The following EXTL3 variants were observed in gnomAD, a reference collection of about 807,000 sequenced individuals.
EXTL3 encodes the protein exostosin-like 3.
In EXTL3, 27 loss-of-function variants were observed where a neutral mutation model predicts 69.3. The ratio of observed to expected loss-of-function variants is 0.39; its 90% CI spans 0.29 to 0.54. The LOEUF (loss-of-function observed/expected upper bound fraction) is 0.54, where lower values mean the gene tolerates loss of function less well. Ranked by LOEUF, EXTL3 falls within the 20% of genes least tolerant of loss-of-function variation. EXTL3 has a pLI of 0.69. For synonymous variants in EXTL3, 511 were observed against 499.4 expected (o/e 1.02, Z -0.31); for missense variants, 1,003 against 1,231.8 (o/e 0.81, Z 2.78).
intron 1 of EXTL3, among the ~76,000 whole-genome samples, chr8:28,640,650 T>C (rs1478986954): frequency 6.6e-6 from 1 of 152,226 alleles, no homozygotes; most frequent in Non-Finnish European, 1.5e-5. Flanking sequence ...TTGCCTAGGC[T>C]GGAGTGGAGT....
chr8:28,648,510 A>G (rs556278900), intron 1 of EXTL3, among the ~76,000 whole-genome samples: 2 of 152,304 alleles, frequency 1.3e-5, no homozygotes, highest in South Asian at 4.1e-4. Context: ...CGTAGTCACT[A>G]CTTATCTTTG....
chr8:28,618,389 A>G (rs952532654), upstream of EXTL3, among the ~76,000 whole-genome samples: 3 of 152,178 alleles, frequency 2.0e-5, no homozygotes, highest in African/African-American at 7.2e-5. Context: ...TGAGGGAACT[A>G]TGGAAAAGAG....
At chr8:28,705,188 T>A (rs1441830637) in intron 1 of EXTL3, among the ~76,000 whole-genome samples, 1 of 152,192 alleles carries the variant, frequency 6.6e-6, no homozygotes, top group Non-Finnish European at 1.5e-5. Context: ...GTTTTTGTGC[T>A]TCCTGGGAGC....
intron 1 of EXTL3, among the ~76,000 whole-genome samples, chr8:28,672,756 G>A (rs1195745429): frequency 6.6e-6 from 1 of 152,180 alleles, no homozygotes; most frequent in Non-Finnish European, 1.5e-5. Flanking sequence ...TGGTGGTGAT[G>A]TATGCATCTT....
rs1296063416 is a variant in EXTL3, at chr8:28,750,465, A to G, written c.2551-192A>G. Among the ~76,000 whole-genome samples the G allele has an allele frequency of 6.6e-6, 1 of 152,192 alleles. No homozygotes were observed. Among genetic ancestry groups the G allele is most frequent in the Non-Finnish European group, 1.5e-5 (1 of 68,038 alleles). On this transcript the variant is annotated intron_variant, in intron 6 of 6. Coordinates refer to ENST00000220562, the MANE Select transcript of EXTL3 (RefSeq NM_001440.4). This position sits in a 1 kb window ranked among gnomAD's most constrained non-coding sequence, Gnocchi z 5.2. ...AGGCCATCTCAACAGAATACCTGAC[A>G]ATGTTCTGGAGACATCTGGTAGGCA...
intron 1 of EXTL3, among the ~76,000 whole-genome samples, chr8:28,683,426 A>AT (rs1349842425): frequency 3.9e-5 from 6 of 152,160 alleles, no homozygotes; most frequent in African/African-American, 9.6e-5. Flanking sequence ...TCTTTCATTG[A>AT]TTTTTTGGGG....
At chr8:28,731,524 C>G (rs1173421245) in intron 4 of EXTL3, among the ~76,000 whole-genome samples, 174 bp downstream of exon 4, 1 of 152,178 alleles carries the variant, frequency 6.6e-6, no homozygotes, top group East Asian at 1.9e-4. Context: ...GAGTCCATCT[C>G]TCTTCATCTG....
chr8:28,717,533 G>A lies in EXTL3; in HGVS notation c.1474G>A (p.Glu492Lys), dbSNP rs1316844249. 5 of 1,614,120 alleles carry A rather than the reference G, an allele frequency of 3.1e-6. No homozygotes were observed. The highest frequency in any genetic ancestry group is 1.7e-5 in the Admixed American group (1 of 60,016). ...GGTGGTGCCAAAGCCTCGTGTTACCGAGGTTCATTTCCTGCTCAGAAGCCT... is the reference window on the plus strand; with the variant it reads ...GGTGGTGCCAAAGCCTCGTGTTACCAAGGTTCATTTCCTGCTCAGAAGCCT... ...ALVVPKPRVT[E>K]VHFLLRSLSD... Residue 492 changes from glutamate (E) to lysine (K), a missense_variant, in exon 3 of 7, where the codon GAG becomes AAG. Glu to Lys is a moderately conservative substitution (Grantham distance 56). Transcript: ENST00000220562. This position sits in a 1 kb window ranked among gnomAD's most constrained non-coding sequence, Gnocchi z 8.3.
chr8:28,615,840 C>G (rs1418540891), intron 2 of EXTL3, among the ~76,000 whole-genome samples: 1 of 152,070 alleles, frequency 6.6e-6, no homozygotes, highest in African/African-American at 2.4e-5. Flanking sequence ...TCCCAAAGTG[C>G]TGGGATTACA....
intron 1 of EXTL3, among the ~76,000 whole-genome samples, chr8:28,705,541 G>GT (rs1800903287): frequency 6.7e-6 from 1 of 149,600 alleles, no homozygotes; most frequent in Non-Finnish European, 1.5e-5. Context: ...CAACATTATA[G>GT]TAAGACCCTG....
chr8:28,667,128 A>G (rs942126090), intron 1 of EXTL3, among the ~76,000 whole-genome samples: 1 of 152,242 alleles, frequency 6.6e-6, no homozygotes, highest in Admixed American at 6.5e-5. Context: ...CCTGTCAGAG[A>G]AAAATTGCGC....
chr8:28,751,048 C>T lies in EXTL3; in HGVS notation c.*182C>T. 1 of 617,680 alleles carries T rather than the reference C, an allele frequency of 1.6e-6. No individual in the cohort carries two copies. Among genetic ancestry groups the T allele is most frequent in the Non-Finnish European group, 2.9e-6 (1 of 349,646 alleles). The allele number at this position is 617,680 out of a possible 1,614,324, so 38.3% of individuals were successfully genotyped here. A position where few individuals can be genotyped will look rare whatever the true frequency, so the allele number is the denominator to read the frequency against. ...TATCTTGAAGTCAGCCACACTGGGC[C>T]TGGAGCCCTGGGCGGAGTCCCCGGG... On this transcript the variant is annotated 3_prime_UTR_variant, in exon 7 of 7. Transcript: ENST00000220562.
chr8:28,739,846 G>A (rs896790793), intron 5 of EXTL3: 9 of 152,168 alleles, frequency 5.9e-5, no homozygotes, highest in African/African-American at 2.2e-4. Context: ...CACTTGCTCA[G>A]CTAAGAAGGA....
intron 1 of EXTL3, among the ~76,000 whole-genome samples, chr8:28,666,809 A>G (rs1305431436): frequency 6.6e-6 from 1 of 152,174 alleles, no homozygotes; most frequent in Non-Finnish European, 1.5e-5. Context: ...TCCTGACCTC[A>G]GGTGATCTGC....
chr8:28,640,187 C>A (rs1268318886), intron 1 of EXTL3, among the ~76,000 whole-genome samples: 1 of 152,068 alleles, frequency 6.6e-6, no homozygotes, highest in Non-Finnish European at 1.5e-5. Flanking sequence ...GAAATATCCC[C>A]AATATTACAA....
intron 1 of EXTL3, among the ~76,000 whole-genome samples, chr8:28,627,204 A>ATT: frequency 6.6e-6 from 1 of 150,710 alleles, no homozygotes; most frequent in South Asian, 2.1e-4. Flanking sequence ...AAAAAATTAA[A>ATT]AAAAATAAAA....
At chr8:28,695,485 A>G (rs1015878100) in intron 1 of EXTL3, among the ~76,000 whole-genome samples, 5 of 152,254 alleles carry the variant, frequency 3.3e-5, no homozygotes, top group Non-Finnish European at 7.3e-5. Flanking sequence ...CCACAGGTCA[A>G]TGTCAACAGC....
chr8:28,725,821 C>T (rs1036299512), intron 3 of EXTL3, among the ~76,000 whole-genome samples: 1 of 152,020 alleles, frequency 6.6e-6, no homozygotes, highest in South Asian at 2.1e-4. Context: ...TGAAACAAAA[C>T]AACATCAACA....
In EXTL3 at chr8:28,630,489, A is replaced by C. The variant is rs140180124; in HGVS notation, c.-53+7679A>C. On this transcript the variant is annotated intron_variant, in intron 1 of 6. Coordinates refer to the EXTL3 transcript ENST00000523149. ...CTACAAGATAAAACATAACTTAAAA[A>C]ATAAGGCACTAGGGTAGTTTAGTAA... 5.9e-4 allele frequency among the ~76,000 whole-genome samples: 90 copies of C among 152,322 alleles called. No homozygotes were observed. In the East Asian group the frequency reaches 0.012, roughly 20 times the overall value.
Sources: gnomAD v4.1 joint callset for allele counts (sites outside exome capture counted in the v4.1 genomes callset) on GRCh38, gnomAD v4.1.1 for gene constraint, Gnocchi (gnomAD v3.1) non-coding constraint, MANE v1.5 for transcripts, NCBI Gene and HGNC (gene_info 2026-07-23, HGNC 2026-07-21) for gene names.